The following SMAP1 variants were observed in gnomAD, a reference collection of about 807,000 sequenced individuals.
SMAP1 encodes small ArfGAP 1.
Under a neutral mutation model 58.5 loss-of-function variants are expected in SMAP1, and 24 were observed. The observed-to-expected ratio is 0.41, with a 90% CI of 0.30 to 0.58. The LOEUF (loss-of-function observed/expected upper bound fraction) is 0.58. Among genes scored for constraint, SMAP1 ranks in the 20% least tolerant of loss-of-function variants. The pLI is 0.29. For synonymous variants in SMAP1, 216 were observed against 196.6 expected (o/e 1.10, Z -0.82); for missense variants, 563 against 566.3 (o/e 0.99, Z 0.06).
Position 70,713,560 on chromosome 6 carries a change from A to G in SMAP1, c.119-18818A>G, listed in dbSNP as rs117394986. ...GTTATTTAGTATTTGTGAATTTTCC[A>G]TGTTCTTCTTGTTATCTAGTTCAAT... On this transcript the variant is annotated intron_variant, in intron 1 of 10. Coordinates refer to ENST00000370455, the MANE Select transcript of SMAP1 (RefSeq NM_001044305.3). Among the ~76,000 whole-genome samples the G allele has an allele frequency of 4.4e-3, 674 of 152,174 alleles. 27 individuals carry two copies. In the East Asian group the frequency reaches 0.097, roughly 22 times the overall value.
chr6:70,794,388 AT>A (rs759522606), intron 5 of SMAP1, among the ~76,000 whole-genome samples: 5 of 152,130 alleles, frequency 3.3e-5, no homozygotes, highest in East Asian at 1.9e-4. Context: ...CTGTATCCTA[AT>A]ACCACTGCCA....
chr6:70,751,496 T>C lies in SMAP1; in HGVS notation c.253-3484T>C, dbSNP rs192693044. 3.0e-3 allele frequency among the ~76,000 whole-genome samples: 452 copies of C among 152,222 alleles called. 3 individuals are homozygous for C. The highest frequency in any genetic ancestry group is 0.01 in the African/African-American group (421 of 41,546). ...GTAAATAAATGTCTACTTAAAAATA[T>C]TTAAAAAATAAATTTAATAGAAACT... is the stretch of plus-strand genomic sequence containing the variant. On this transcript the variant is annotated intron_variant, in intron 2 of 10. Transcript: ENST00000370455.
chr6:70,681,711 CTAA>C (rs1180449505), intron 1 of SMAP1, among the ~76,000 whole-genome samples: 2 of 152,124 alleles, frequency 1.3e-5, no homozygotes, highest in African/African-American at 4.8e-5. Flanking sequence ...AATTAGAATA[CTAA>C]TGAGTACTTT....
chr6:70,785,986 A>G (rs1328623836), intron 4 of SMAP1, among the ~76,000 whole-genome samples: 7 of 152,224 alleles, frequency 4.6e-5, no homozygotes, highest in Non-Finnish European at 8.8e-5. Flanking sequence ...AAAGCCTGAC[A>G]GAGACACAAC....
At chr6:70,760,778 A>C (rs554328468) in intron 3 of SMAP1, among the ~76,000 whole-genome samples, 1 of 152,104 alleles carries the variant, frequency 6.6e-6, no homozygotes, top group Non-Finnish European at 1.5e-5. Flanking sequence ...ACCTCATTGC[A>C]TTCTTAACAA....
At chr6:70,783,454 A>T (rs999865066) in intron 4 of SMAP1, among the ~76,000 whole-genome samples, 1 of 152,246 alleles carries the variant, frequency 6.6e-6, no homozygotes, top group Non-Finnish European at 1.5e-5. Flanking sequence ...TGGACAGAGA[A>T]TGACTCTGAC....
chr6:70,766,344 T>C (rs540931473), intron 3 of SMAP1, among the ~76,000 whole-genome samples: 42 of 152,358 alleles, frequency 2.8e-4, no homozygotes, highest in African/African-American at 9.9e-4. Context: ...ATGGTTGAAC[T>C]AGTTTACATT....
intron 4 of SMAP1, among the ~76,000 whole-genome samples, chr6:70,776,708 T>C (rs745571957): frequency 6.6e-6 from 1 of 152,194 alleles, no homozygotes; most frequent in Non-Finnish European, 1.5e-5. Flanking sequence ...GTTCAGTTTT[T>C]CTTAGCTCAC....
At chr6:70,777,283 G>A (rs576122726) in intron 4 of SMAP1, among the ~76,000 whole-genome samples, 178 of 152,220 alleles carry the variant, frequency 1.2e-3, no homozygotes, top group East Asian at 1.5e-3. Context: ...GAAATCACCC[G>A]TCTTCTGCAT....
At chr6:70,751,874 A>G (rs1392173399) in intron 2 of SMAP1, among the ~76,000 whole-genome samples, 2 of 152,184 alleles carry the variant, frequency 1.3e-5, no homozygotes, top group African/African-American at 4.8e-5. Flanking sequence ...TCTTTTAGAC[A>G]AAAGTACATG....
At chr6:70,786,539 G>A in intron 4 of SMAP1, among the ~76,000 whole-genome samples, 1 of 149,442 alleles carries the variant, frequency 6.7e-6, no homozygotes, top group South Asian at 2.2e-4. Flanking sequence ...TGACATGATT[G>A]TATATCTAGA....
At chr6:70,826,746 G>A (rs981198708) in intron 6 of SMAP1, among the ~76,000 whole-genome samples, 9 of 151,714 alleles carry the variant, frequency 5.9e-5, no homozygotes, top group Non-Finnish European at 1.3e-4. Flanking sequence ...ACAGAGTGAG[G>A]CTCTGTCTCA....
At chr6:70,683,399 T>G (rs2128552767) in intron 1 of SMAP1, among the ~76,000 whole-genome samples, 1 of 152,174 alleles carries the variant, frequency 6.6e-6, no homozygotes. Flanking sequence ...CTTGAACTCC[T>G]GACCTTGTGA....
intron 1 of SMAP1, among the ~76,000 whole-genome samples, chr6:70,725,821 GAAAT>G (rs1328414804): frequency 3.3e-5 from 5 of 152,176 alleles, no homozygotes; most frequent in Admixed American, 3.3e-4. Flanking sequence ...TATGAGGAAA[GAAAT>G]AAAGCAAACT....
intron 2 of SMAP1, among the ~76,000 whole-genome samples, chr6:70,752,433 T>C (rs1766317915): frequency 6.6e-6 from 1 of 152,244 alleles, no homozygotes; most frequent in Non-Finnish European, 1.5e-5. Flanking sequence ...TCTGTTTCTT[T>C]TCCTGTAAAA....
intron 3 of SMAP1, among the ~76,000 whole-genome samples, chr6:70,766,516 G>A (rs145553529): frequency 0.021 from 3,134 of 152,106 alleles, 113 homozygotes; most frequent in African/African-American, 0.069. Flanking sequence ...GCATTTTTTC[G>A]TGTGTTTTTT....
At chr6:70,732,228 C>T (rs1582079902) in intron 1 of SMAP1, 150 bp from the exon 2 acceptor site, 3 of 670,982 alleles carry the variant, frequency 4.5e-6, no homozygotes, top group East Asian at 6.2e-5. Flanking sequence ...TCTTAGCAGA[C>T]TGCCGCCAGT....
chr6:70,761,330 A>T (rs1766737362), intron 3 of SMAP1, among the ~76,000 whole-genome samples: 1 of 152,026 alleles, frequency 6.6e-6, no homozygotes, highest in Non-Finnish European at 1.5e-5. Flanking sequence ...TTGTTTACTA[A>T]GTAATTCCCA....
chr6:70,761,373 ATTTC>A (rs935895300), intron 3 of SMAP1, among the ~76,000 whole-genome samples: 38 of 151,914 alleles, frequency 2.5e-4, no homozygotes, highest in African/African-American at 8.9e-4. Flanking sequence ...ATAATAATGT[ATTTC>A]TTATCTGACT....
Sources: allele counts gnomAD v4.1 joint callset (sites outside exome capture counted in the v4.1 genomes callset), GRCh38; gene constraint gnomAD v4.1.1; transcripts MANE v1.5; gene names NCBI Gene and HGNC (gene_info 2026-07-23, HGNC 2026-07-21).